The following PASK variants were observed in gnomAD, a reference collection of about 807,000 sequenced individuals.
The protein encoded by PASK is PAS domain-containing serine/threonine-protein kinase.
A neutral mutation model predicts 121.0 loss-of-function variants in PASK; 110 were observed. The observed-to-expected ratio is 0.91, with a 90% CI of 0.78 to 1.06. The LOEUF is 1.06. Among genes scored for constraint, PASK ranks in the 50% least tolerant of loss-of-function variants. The probability of loss-of-function intolerance (pLI) is 0.00; values close to 1 mark genes in which losing one functional copy is unlikely to be tolerated. For missense variants in PASK, 1,643 were observed against 1,702.3 expected, an observed-to-expected ratio of 0.97 and a Z score of 0.61; for synonymous variants, 686 against 717.8, an observed-to-expected ratio of 0.96 and a Z score of 0.71.
chr2:241,130,231 C>A (rs569825908), intron 9 of PASK, among the ~76,000 whole-genome samples: 1 of 152,174 alleles, frequency 6.6e-6, no homozygotes, highest in South Asian at 2.1e-4. Flanking sequence ...AATGACTGAG[C>A]GGGGAATGAA....
intron 4 of PASK, 79 bp from the exon 5 acceptor site, chr2:241,138,873 G>T: frequency 7.1e-7 from 1 of 1,409,326 alleles, no homozygotes; most frequent in Non-Finnish European, 1.0e-6. Context: ...CCTCCAGGAG[G>T]CCCAAACTCC....
chr2:241,116,069 A>G (rs536241021), intron 12 of PASK, among the ~76,000 whole-genome samples: 13 of 136,426 alleles, frequency 9.5e-5, no homozygotes, highest in African/African-American at 3.7e-4. Context: ...CACCAGAGAC[A>G]CCCAGTCCTC....
chr2:241,111,995 A>G (rs1226253473), intron 15 of PASK, among the ~76,000 whole-genome samples: 2 of 152,180 alleles, frequency 1.3e-5, no homozygotes, highest in African/African-American at 2.4e-5. Context: ...GCTTTTTATT[A>G]TATGAAACTC....
At chr2:241,138,182 C>G in intron 5 of PASK, 95 bp from the exon 6 acceptor site, 1 of 1,295,726 alleles carries the variant, frequency 7.7e-7, no homozygotes, top group Non-Finnish European at 1.1e-6. Context: ...AAGCAAGACC[C>G]CAACATGACT....
chr2:241,115,758 C>T lies in PASK; in HGVS notation c.3073-345G>A, dbSNP rs554640397. Among the ~76,000 whole-genome samples, 30 of 129,394 alleles carry T rather than the reference C, an allele frequency of 2.3e-4. 2 individuals are homozygous for T. In the East Asian group the frequency reaches 8.4e-3, roughly 36 times the overall value. 84.9% of individuals were successfully genotyped at this position (129,394 alleles called of 152,430 possible). A position where few individuals can be genotyped will look rare whatever the true frequency, so the allele number is the denominator to read the frequency against. Reference sequence around the variant, plus strand: ...AGCATCCCGTTACACCAGGGGCCACCGGTCCTCAAGCATCCCATTACGCCA... The same window carrying T: ...AGCATCCCGTTACACCAGGGGCCACTGGTCCTCAAGCATCCCATTACGCCA... On this transcript the variant is annotated intron_variant, in intron 12 of 17. Coordinates refer to ENST00000234040, the MANE Select transcript of PASK (RefSeq NM_015148.4).
Position 241,126,910 on chromosome 2 carries a change from A to C in PASK, c.2005T>G (p.Leu669Val), listed in dbSNP as rs1296536423. Residue 669 changes from leucine (L) to valine (V), a missense_variant, in exon 10 of 18, where the codon TTG becomes GTG. Coordinates refer to ENST00000234040, the MANE Select transcript of PASK (RefSeq NM_015148.4). ...TCLIKEQLSQ[L>V]SLAGALDVPH... ...ACATCCAGGGCTCCTGCAAGGCTCA[A>C]CTGGGACAGCTGCTCCTTAATCAAG... The C allele has an allele frequency of 6.2e-7, 1 of 1,614,058 alleles. No individual in the cohort carries two copies. Among genetic ancestry groups the C allele is most frequent in the East Asian group, 2.2e-5 (1 of 44,872 alleles).
rs760516348 is a variant in PASK at position 241,126,869 on chromosome 2, G to A, written c.2046C>T (p.Leu682=). The change falls in exon 10 of 18, where the codon CTC becomes CTT. Residue 682 remains leucine, a synonymous_variant. Transcript: ENST00000234040. ...AGALDVPHAE[L]VPTECQAVTA... ...TGACAGCCTGGCACTCTGTCGGAAC[G>A]AGTTCGGCGTGGGGGACATCCAGGG... 38 of 1,612,808 alleles carry A rather than the reference G, an allele frequency of 2.4e-5. No individual in the cohort carries two copies. Among genetic ancestry groups the A allele is most frequent in the Admixed American group, 1.7e-4 (10 of 59,956 alleles).
At chr2:241,123,034 C>T (rs544938794) in intron 11 of PASK, 135 bp from the exon 12 acceptor site, 334 of 752,610 alleles carry the variant, frequency 4.4e-4, no homozygotes, top group Non-Finnish European at 6.5e-4. Flanking sequence ...CCTCTCCTCC[C>T]ATGCTCTCAG....
intron 12 of PASK, among the ~76,000 whole-genome samples, chr2:241,116,990 G>A (rs2065401836): frequency 6.6e-6 from 1 of 152,230 alleles, no homozygotes; most frequent in African/African-American, 2.4e-5. Flanking sequence ...CAGCTTCTGA[G>A]CGCCTCGGGG....
At chr2:241,135,682 A>G (rs1366055644) in intron 8 of PASK, among the ~76,000 whole-genome samples, 189 bp downstream of exon 8, 51 of 151,854 alleles carry the variant, frequency 3.4e-4, no homozygotes, top group Admixed American at 2.6e-3. Flanking sequence ...GTTTATAAGA[A>G]TATGTCACAG....
intron 3 of PASK, 77 bp from the exon 4 acceptor site, chr2:241,140,132 A>G: frequency 8.6e-7 from 1 of 1,168,726 alleles, no homozygotes; most frequent in Non-Finnish European, 1.3e-6. Context: ...GCCCAGGACG[A>G]CCATGCAGAA....
At chr2:241,149,251 C>G (rs1174790278) in intron 1 of PASK, among the ~76,000 whole-genome samples, 163 bp downstream of exon 1, 2 of 152,144 alleles carry the variant, frequency 1.3e-5, no homozygotes, top group African/African-American at 2.4e-5. Flanking sequence ...CTCGGCGGTG[C>G]GCGAAGGGCG....
At chr2:241,113,022 G>A (rs1049098196) in intron 14 of PASK, among the ~76,000 whole-genome samples, 2 of 152,226 alleles carry the variant, frequency 1.3e-5, no homozygotes, top group African/African-American at 4.8e-5. Flanking sequence ...ACTCAATGAT[G>A]CAGACTTAAA....
chr2:241,133,969 C>T (rs1256715625), intron 8 of PASK: 2 of 127,992 alleles, frequency 1.6e-5, no homozygotes, highest in African/African-American at 2.8e-5. Flanking sequence ...GCAACAAGAG[C>T]GAAACTCTGT....
chr2:241,114,987 C>T (rs761882174), intron 14 of PASK, 56 bp downstream of exon 14: 16 of 1,613,560 alleles, frequency 9.9e-6, no homozygotes, highest in South Asian at 2.2e-5. Flanking sequence ...TTGCAGCCAC[C>T]GGACCCAGGC....
At chr2:241,129,940 C>T (rs556545954) in intron 9 of PASK, among the ~76,000 whole-genome samples, 3 of 152,318 alleles carry the variant, frequency 2.0e-5, no homozygotes, top group Admixed American at 6.5e-5. Context: ...GGACCTGATG[C>T]CCAGTGTAAC....
At position 241,138,693 on chromosome 2, in the gene PASK, G is replaced by A. The variant is rs150509786; in HGVS notation, c.702C>T (p.Pro234=). Residue 234 remains proline, a synonymous_variant, in exon 5 of 18, where the codon CCC becomes CCT. Coordinates refer to ENST00000234040, the MANE Select transcript of PASK (RefSeq NM_015148.4). ...RRLCCVVVLE[P]VERVSTWVAF... Reference sequence around the variant, plus strand: ...CGACCCAGGTCGAGACCCTCTCCACGGGCTCCAGGACCACCACGCAGCATA... The same window carrying A: ...CGACCCAGGTCGAGACCCTCTCCACAGGCTCCAGGACCACCACGCAGCATA... 27 of 1,613,952 alleles carry A rather than the reference G, an allele frequency of 1.7e-5. No individual in the cohort carries two copies. The highest frequency in any genetic ancestry group is 3.3e-5 in the South Asian group (3 of 91,094).
At chr2:241,130,580 G>A (rs536426013) in intron 9 of PASK, among the ~76,000 whole-genome samples, 78 of 152,216 alleles carry the variant, frequency 5.1e-4, no homozygotes, top group African/African-American at 1.8e-3. Flanking sequence ...CTGGAGAGGT[G>A]CGCACAGCAA....
intron 15 of PASK, among the ~76,000 whole-genome samples, chr2:241,110,454 G>A (rs1361216979): frequency 3.3e-5 from 5 of 152,212 alleles, no homozygotes; most frequent in Non-Finnish European, 5.9e-5. Flanking sequence ...CAGGAGGGAG[G>A]AAGGAGCTCC....
Sources: allele counts gnomAD v4.1 joint callset (sites outside exome capture counted in the v4.1 genomes callset), GRCh38; gene constraint gnomAD v4.1.1; transcripts MANE v1.5; gene names NCBI Gene and HGNC (gene_info 2026-07-23, HGNC 2026-07-21).